The following SPATA17 variants were observed in gnomAD, a reference collection of about 807,000 sequenced individuals.
The protein encoded by SPATA17 is spermatogenesis-associated protein 17.
A neutral mutation model predicts 62.2 loss-of-function variants in SPATA17; 53 were observed. The ratio of observed to expected loss-of-function variants is 0.85; its 90% CI spans 0.68 to 1.07. The LOEUF is 1.07. SPATA17 is among the 50% of genes least tolerant of loss of function. SPATA17 has a pLI of 0.00. For missense variants in SPATA17, 466 were observed against 425.5 expected, an observed-to-expected ratio of 1.10 and a Z score of -0.84; for synonymous variants, 146 against 146.8, an observed-to-expected ratio of 0.99 and a Z score of 0.04.
intron 8 of SPATA17, among the ~76,000 whole-genome samples, chr1:217,794,816 A>G (rs1674093051): frequency 6.6e-6 from 1 of 152,218 alleles, no homozygotes; most frequent in Admixed American, 6.5e-5. Flanking sequence ...CTTATGCACT[A>G]CACTTAGCAC....
At chr1:217,641,568 ATGTT>A (rs1339311568) in intron 1 of SPATA17, among the ~76,000 whole-genome samples, 2 of 152,192 alleles carry the variant, frequency 1.3e-5, no homozygotes, top group Non-Finnish European at 2.9e-5. Flanking sequence ...AGCAAAATAA[ATGTT>A]TAGAGATTAA....
chr1:217,833,043 C>T (rs1047924710), intron 9 of SPATA17, among the ~76,000 whole-genome samples: 1 of 152,050 alleles, frequency 6.6e-6, no homozygotes, highest in Admixed American at 6.6e-5. Flanking sequence ...AAAGCAAAGA[C>T]AGTTTCAACT....
intron 6 of SPATA17, among the ~76,000 whole-genome samples, chr1:217,767,665 G>C (rs61825809): frequency 0.029 from 4,348 of 152,138 alleles, 97 homozygotes; most frequent in Middle Eastern, 0.054. Context: ...ACCCATCAAA[G>C]CCATTCTTCA....
intron 5 of SPATA17, among the ~76,000 whole-genome samples, chr1:217,732,922 AAAT>A (rs1436219701): frequency 1.3e-5 from 2 of 152,330 alleles, no homozygotes; most frequent in Admixed American, 1.3e-4. Flanking sequence ...GATAAAAAGA[AAAT>A]AATTTTACTG....
chr1:217,815,883 T>A (rs1674700238), intron 9 of SPATA17, among the ~76,000 whole-genome samples: 1 of 152,168 alleles, frequency 6.6e-6, no homozygotes, highest in South Asian at 2.1e-4. Flanking sequence ...AATTCACCCT[T>A]CCCCCAACAT....
At chr1:217,680,056 C>T (rs1219744025) in intron 4 of SPATA17, among the ~76,000 whole-genome samples, 2 of 152,102 alleles carry the variant, frequency 1.3e-5, no homozygotes, top group African/African-American at 4.8e-5. Context: ...TAGGTAGCCC[C>T]TCCCTTAATA....
At position 217,648,900 on chromosome 1, in the gene SPATA17, A is replaced by G. The variant is rs773460623; in HGVS notation, c.87A>G (p.Arg29=). Residue 29 remains arginine, a synonymous_variant, in exon 2 of 11, where the codon AGA becomes AGG. Transcript: ENST00000366933. ...GTTTTAGTGTTGTAGATCCATTTAG[A>G]AAAAAGGAGAATGATGCAGCAGTTA... ...YFRNSVVDPF[R]KKENDAAVKI... is the part of the protein sequence containing the mutation. 5.4e-5 allele frequency: 87 copies of G among 1,607,180 alleles called. No individual in the cohort carries two copies. Among genetic ancestry groups the G allele is most frequent in the Non-Finnish European group, 7.1e-5 (84 of 1,177,164 alleles).
chr1:217,842,953 C>CT (rs75537390), intron 9 of SPATA17, among the ~76,000 whole-genome samples: 33 of 148,616 alleles, frequency 2.2e-4, no homozygotes, highest in African/African-American at 4.7e-4. Context: ...AAAATGTTTT[C>CT]TTTTTTTTTT....
intron 9 of SPATA17, among the ~76,000 whole-genome samples, chr1:217,827,467 G>A (rs561979416): frequency 3.9e-5 from 6 of 152,178 alleles, no homozygotes; most frequent in Non-Finnish European, 8.8e-5. Context: ...AGACAACATG[G>A]CAATTCATCC....
At chr1:217,696,662 T>C (rs1164644142) in intron 5 of SPATA17, among the ~76,000 whole-genome samples, 1 of 152,252 alleles carries the variant, frequency 6.6e-6, no homozygotes, top group Non-Finnish European at 1.5e-5. Flanking sequence ...AATATTGTTC[T>C]GGTTGTTTGT....
At chr1:217,786,760 T>TTCC (rs756107730) in intron 8 of SPATA17, among the ~76,000 whole-genome samples, 1,711 of 128,642 alleles carry the variant, frequency 0.013, 26 homozygotes, top group East Asian at 0.044. Context: ...TTTCTTCTTC[T>TTCC]TCTTCTTCTT....
Position 217,749,985 on chromosome 1 carries a change from C to CTATATATATATATATATATATATA in SPATA17, c.519+7891_519+7914dup, listed in dbSNP as rs57489651. Among the ~76,000 whole-genome samples, 15 of 12,298 alleles carry CTATATATATATATATATATATATA rather than the reference C, an allele frequency of 1.2e-3. 1 individual carries two copies. Among genetic ancestry groups the CTATATATATATATATATATATATA allele is most frequent in the African/African-American group, 1.5e-3 (5 of 3,280 alleles). 8.1% of individuals were successfully genotyped at this position (12,298 alleles called of 152,430 possible). A position where few individuals can be genotyped will look rare whatever the true frequency, so the allele number is the denominator to read the frequency against. On this transcript the variant is annotated intron_variant, in intron 6 of 10. Coordinates refer to ENST00000366933, the MANE Select transcript of SPATA17 (RefSeq NM_138796.4). ...TCTCTCTCTCTCTCTCTCTCTCTCT[C>CTATATATATATATATATATATATA]TATATATATATATATATATATATAT... is the stretch of plus-strand genomic sequence containing the variant.
At chr1:217,753,536 C>G (rs1486531492) in intron 6 of SPATA17, among the ~76,000 whole-genome samples, 1 of 150,944 alleles carries the variant, frequency 6.6e-6, no homozygotes, top group Non-Finnish European at 1.5e-5. Context: ...AGATTCGGTG[C>G]CTTTTTTTAA....
chr1:217,787,266 A>G (rs751334231), intron 8 of SPATA17, among the ~76,000 whole-genome samples: 3 of 152,166 alleles, frequency 2.0e-5, no homozygotes, highest in Non-Finnish European at 4.4e-5. Flanking sequence ...ATTTTACCAG[A>G]CAAGCACTAA....
chr1:217,788,303 G>C (rs968608661), intron 8 of SPATA17, among the ~76,000 whole-genome samples: 1 of 151,924 alleles, frequency 6.6e-6, no homozygotes, highest in Non-Finnish European at 1.5e-5. Flanking sequence ...ATAGGTTTAG[G>C]ATATTGCAAT....
intron 1 of SPATA17, among the ~76,000 whole-genome samples, chr1:217,643,389 A>C (rs1289675385): frequency 6.6e-6 from 1 of 152,012 alleles, no homozygotes; most frequent in African/African-American, 2.4e-5. Context: ...CTGATTCTCT[A>C]TACTGGCTAC....
intron 9 of SPATA17, among the ~76,000 whole-genome samples, chr1:217,823,020 ATTTTTGTTTTTATCAT>A (rs1044803376): frequency 1.3e-4 from 19 of 151,206 alleles, no homozygotes; most frequent in Admixed American, 7.9e-4. Context: ...TTATGTTTCA[ATTTTTGTTTTTATCAT>A]TTTTTGTCTT....
At chr1:217,743,872 G>A (rs1672682708) in intron 6 of SPATA17, among the ~76,000 whole-genome samples, 1 of 152,028 alleles carries the variant, frequency 6.6e-6, no homozygotes, top group South Asian at 2.1e-4. Flanking sequence ...GCCTCCCAAA[G>A]TGCTGGGATT....
intron 5 of SPATA17, among the ~76,000 whole-genome samples, chr1:217,725,577 C>T (rs1672240792): frequency 6.6e-6 from 1 of 152,164 alleles, no homozygotes; most frequent in Non-Finnish European, 1.5e-5. Context: ...AGTCTGGTCC[C>T]CCAGCCTCCT....
Sources: allele counts gnomAD v4.1 joint callset (sites outside exome capture counted in the v4.1 genomes callset), GRCh38; gene constraint gnomAD v4.1.1; transcripts MANE v1.5; gene names NCBI Gene and HGNC (gene_info 2026-07-23, HGNC 2026-07-21).